Variants in GDF2 observed in about 807,000 individuals in gnomAD.
GDF2 encodes growth differentiation factor 2.
A neutral mutation model predicts 16.9 loss-of-function variants in GDF2; 17 were observed. The observed-to-expected ratio is 1.00, with a 90% confidence interval of 0.69 to 1.51. GDF2 has a LOEUF of 1.51. Ranked by LOEUF, GDF2 falls within the 40% of genes most tolerant of loss-of-function variation. The probability of loss-of-function intolerance (pLI) is 0.00; values close to 1 mark genes in which losing one functional copy is unlikely to be tolerated. For synonymous variants in GDF2, 276 were observed against 237.6 expected (o/e 1.16, Z -1.49); for missense variants, 523 against 556.3 (o/e 0.94, Z 0.60).
chr10:47,322,605 C>A lies in GDF2; in HGVS notation c.-64C>A. ...CGGCCCGCTCCTTCCCAGCTCCTCC[C>A]CGTGCCCGCTAACACAGCACGGCCG... On this transcript the variant is annotated 5_prime_UTR_variant, in exon 1 of 2. Transcript: ENST00000581492. 1 of 1,244,468 alleles carries A rather than the reference C, an allele frequency of 8.0e-7. No individual in the cohort carries two copies. Among genetic ancestry groups the A allele is most frequent in the Non-Finnish European group, 1.1e-6 (1 of 918,216 alleles). 77.1% of individuals were successfully genotyped at this position (1,244,468 alleles called of 1,614,324 possible). A position where few individuals can be genotyped will look rare whatever the true frequency, so the allele number is the denominator to read the frequency against.
rs1565754748 is a variant in GDF2 at position 47,324,934 on chromosome 10, G to A, written c.440G>A (p.Arg147Lys). The change falls in exon 2 of 2, where the codon AGA becomes AAA. Residue 147 changes from arginine (R) to lysine (K), a missense_variant. Physicochemically the swap from Arg to Lys is conservative, Grantham distance 26 (BLOSUM62 2). Transcript: ENST00000581492. ...ATTCCTAGGCATGAGCAGATCACCA[G>A]AGCTGAGCTCCGACTCTATGTCTCC... is the stretch of plus-strand genomic sequence containing the variant. ...ISIPRHEQIT[R>K]AELRLYVSCQ... The A allele has an allele frequency of 6.2e-7, 1 of 1,614,024 alleles. No individual in the cohort carries two copies. Among genetic ancestry groups the A allele is most frequent in the Non-Finnish European group, 8.5e-7 (1 of 1,179,972 alleles).
Sources: allele counts gnomAD v4.1 joint callset, GRCh38; gene constraint gnomAD v4.1.1; transcripts MANE v1.5; gene names NCBI Gene and HGNC (gene_info 2026-07-23, HGNC 2026-07-21).